RAI14: variants seen among roughly 807,000 people sequenced by gnomAD.
The protein encoded by RAI14 is retinoic acid induced 14, also known as ankycorbin.
In RAI14, 45 loss-of-function variants were observed where a neutral mutation model predicts 115.4. That is an observed-to-expected ratio of 0.39 (90% CI 0.31 to 0.50). The LOEUF (loss-of-function observed/expected upper bound fraction) is 0.50, where lower values mean the gene tolerates loss of function less well. RAI14 is among the 20% of genes least tolerant of loss of function. The pLI, the probability that RAI14 is intolerant of heterozygous loss-of-function variation, is 0.85. For missense variants in RAI14, 939 were observed against 1,131.2 expected, an observed-to-expected ratio of 0.83 and a Z score of 2.44; for synonymous variants, 371 against 415.4, an observed-to-expected ratio of 0.89 and a Z score of 1.30.
chr5:34,658,256 G>T (rs529161895), intron 1 of RAI14, among the ~76,000 whole-genome samples: 44 of 152,200 alleles, frequency 2.9e-4, no homozygotes, highest in Non-Finnish European at 5.9e-4. Context: ...GTAGGGGAAT[G>T]ATGTAGTGTC....
At chr5:34,779,792 G>C (rs1290545391) in intron 3 of RAI14, among the ~76,000 whole-genome samples, 2 of 152,158 alleles carry the variant, frequency 1.3e-5, no homozygotes, top group African/African-American at 4.8e-5. Context: ...TGGCCATACT[G>C]CCCAAGGTAA....
At chr5:34,796,055 G>T in intron 4 of RAI14, 28 bp downstream of exon 4, 1 of 1,540,566 alleles carries the variant, frequency 6.5e-7, no homozygotes, top group East Asian at 2.3e-5. Flanking sequence ...TCTTAAGTCA[G>T]CAGGCCAGCA....
At position 34,733,941 on chromosome 5, in the gene RAI14, G is replaced by A. The variant is rs563708289; in HGVS notation, c.37-23527G>A. Among the ~76,000 whole-genome samples, 26 of 152,276 alleles carry A rather than the reference G, an allele frequency of 1.7e-4. 1 individual carries two copies. In the South Asian group the frequency reaches 2.9e-3, roughly 17 times the overall value. On this transcript the variant is annotated intron_variant, in intron 2 of 17. Coordinates refer to ENST00000265109, the MANE Select transcript of RAI14 (RefSeq NM_015577.3). ...GGCAGCCATCTTGGTTGGGGTACAGGCAAGATAGCACAAGTCAGGCTTCAT... is the reference window on the plus strand; with the variant it reads ...GGCAGCCATCTTGGTTGGGGTACAGACAAGATAGCACAAGTCAGGCTTCAT...
At chr5:34,801,750 T>C (rs1379676430) in intron 4 of RAI14, among the ~76,000 whole-genome samples, 1 of 145,312 alleles carries the variant, frequency 6.9e-6, no homozygotes, top group Non-Finnish European at 1.5e-5. Flanking sequence ...AAAAAAAAGG[T>C]ATTTGGGGCC....
intron 2 of RAI14, among the ~76,000 whole-genome samples, chr5:34,739,600 G>C (rs1385018851): frequency 1.3e-5 from 2 of 152,184 alleles, no homozygotes; most frequent in Non-Finnish European, 1.5e-5. Flanking sequence ...AGGAAAAGTT[G>C]TGAAAGCTGG....
rs1422204699 is a variant in RAI14 at position 34,665,176 on chromosome 5, C to CAT, written c.-49+8702_-49+8703insTA. ...ATGTGTGTGTATATATATATATACA[C>CAT]ACATATATATATGTATATATATACA... On this transcript the variant is annotated intron_variant, in intron 1 of 17. Transcript: ENST00000265109. Among the ~76,000 whole-genome samples the CAT allele has an allele frequency of 4.0e-4, 7 of 17,666 alleles. 2 individuals are homozygous for CAT. The highest frequency in any genetic ancestry group is 1.4e-3 in the African/African-American group (7 of 4,908). The allele number at this position is 17,666 out of a possible 152,430, so 11.6% of individuals were successfully genotyped here. A position where few individuals can be genotyped will look rare whatever the true frequency, so the allele number is the denominator to read the frequency against.
At chr5:34,805,947 C>T (rs1034744474) in intron 5 of RAI14, among the ~76,000 whole-genome samples, 1 of 152,172 alleles carries the variant, frequency 6.6e-6, no homozygotes, top group African/African-American at 2.4e-5. Flanking sequence ...GGGCACTGTG[C>T]ACCGTGTCAA....
At chr5:34,699,538 A>G (rs1286289306) in intron 2 of RAI14, among the ~76,000 whole-genome samples, 4 of 152,156 alleles carry the variant, frequency 2.6e-5, no homozygotes, top group Non-Finnish European at 4.4e-5. Flanking sequence ...TTTAATAAGG[A>G]CCTCAGTTGT....
At chr5:34,792,928 A>C (rs534497729) in intron 3 of RAI14, among the ~76,000 whole-genome samples, 1 of 152,210 alleles carries the variant, frequency 6.6e-6, no homozygotes, top group Non-Finnish European at 1.5e-5. Flanking sequence ...ATTCTGCAGC[A>C]TAATAGTTGG....
intron 12 of RAI14, among the ~76,000 whole-genome samples, chr5:34,814,986 C>G (rs1168623060): frequency 6.6e-6 from 1 of 152,026 alleles, no homozygotes; most frequent in Admixed American, 6.6e-5. Context: ...GTGGCTCACA[C>G]CTGGAATCCC....
chr5:34,664,585 T>C (rs1742961678), intron 1 of RAI14, among the ~76,000 whole-genome samples: 1 of 152,124 alleles, frequency 6.6e-6, no homozygotes. Context: ...TGTTTTCTTA[T>C]GATCTAGATA....
chr5:34,812,484 G>A (rs1755722233), intron 10 of RAI14, among the ~76,000 whole-genome samples: 2 of 152,080 alleles, frequency 1.3e-5, no homozygotes, highest in South Asian at 4.1e-4. Flanking sequence ...TGACCAACAT[G>A]GAGAAACCCC....
At chr5:34,820,773 C>T (rs993137854) in intron 13 of RAI14, among the ~76,000 whole-genome samples, 4 of 152,182 alleles carry the variant, frequency 2.6e-5, no homozygotes, top group African/African-American at 9.7e-5. Flanking sequence ...CTGTGAGCAC[C>T]TTGAATAGCA....
Position 34,818,779 on chromosome 5 carries a change from AT to A in RAI14, c.940-13del. The A allele has an allele frequency of 6.3e-7, 1 of 1,598,172 alleles. No homozygotes were observed. Among genetic ancestry groups the A allele is most frequent in the Admixed American group, 1.7e-5 (1 of 58,478 alleles). ...TACATTTAGAAATGTTCTTTAAGTC[AT>A]TTTTGTGTTTCAATAGGCTGAGATC... On this transcript the variant is annotated splice_polypyrimidine_tract_variant and intron_variant, in intron 12 of 17. Coordinates refer to ENST00000265109, the MANE Select transcript of RAI14 (RefSeq NM_015577.3).
intron 2 of RAI14, among the ~76,000 whole-genome samples, chr5:34,746,093 C>CA (rs1436263609): frequency 1.6e-5 from 2 of 126,782 alleles, no homozygotes; most frequent in African/African-American, 3.3e-5. Context: ...CCACCCCCTC[C>CA]CCCCCCCGCC....
At chr5:34,771,175 T>C (rs553036069) in intron 3 of RAI14, among the ~76,000 whole-genome samples, 2 of 152,342 alleles carry the variant, frequency 1.3e-5, no homozygotes, top group South Asian at 4.1e-4. Context: ...TGAGCATCAG[T>C]GCTTCCATCT....
chr5:34,701,607 G>A (rs964155063), intron 2 of RAI14, among the ~76,000 whole-genome samples: 2 of 152,086 alleles, frequency 1.3e-5, no homozygotes, highest in Non-Finnish European at 2.9e-5. Context: ...CTGCTCCCCC[G>A]CCCGCCTTAC....
intron 2 of RAI14, among the ~76,000 whole-genome samples, chr5:34,705,181 A>G (rs528071313): frequency 6.6e-6 from 1 of 152,344 alleles, no homozygotes; most frequent in Non-Finnish European, 1.5e-5. Context: ...CAACTTGGGT[A>G]TGTGAATTTG....
intron 15 of RAI14, among the ~76,000 whole-genome samples, chr5:34,825,102 C>T (rs1278080345): frequency 3.3e-5 from 5 of 151,976 alleles, no homozygotes; most frequent in Admixed American, 6.6e-5. Flanking sequence ...TAGTGAGACC[C>T]CATCTGTACA....
Sources: gnomAD v4.1 joint callset for allele counts (sites outside exome capture counted in the v4.1 genomes callset) on GRCh38, gnomAD v4.1.1 for gene constraint, MANE v1.5 for transcripts, NCBI Gene and HGNC (gene_info 2026-07-23, HGNC 2026-07-21) for gene names.